AKAP13: variants seen among roughly 807,000 people sequenced by gnomAD.
AKAP13 encodes A-kinase anchor protein 13.
A neutral mutation model predicts 264.5 loss-of-function variants in AKAP13; 80 were observed. The observed-to-expected ratio is 0.30, with a 90% CI of 0.25 to 0.36. The LOEUF is 0.36. AKAP13 is among the 10% of genes least tolerant of loss of function. AKAP13 has a pLI of 1.00. For synonymous variants in AKAP13, 1,380 were observed against 1,250.2 expected, an observed-to-expected ratio of 1.10 and a Z score of -2.19; for missense variants, 3,712 against 3,435.2, an observed-to-expected ratio of 1.08 and a Z score of -2.01.
intron 19 of AKAP13, among the ~76,000 whole-genome samples, chr15:85,713,323 C>G (rs980464373): frequency 1.3e-5 from 2 of 152,174 alleles, no homozygotes; most frequent in Non-Finnish European, 1.5e-5. Flanking sequence ...CTGTGTCTCC[C>G]TTTTACATTA....
intron 2 of AKAP13, among the ~76,000 whole-genome samples, chr15:85,503,359 C>T (rs754169413): frequency 2.6e-5 from 4 of 152,210 alleles, no homozygotes; most frequent in African/African-American, 4.8e-5. Flanking sequence ...TTCTAAGTCA[C>T]GTGATTTCAA....
chr15:85,606,047 A>G (rs908108958), intron 8 of AKAP13, among the ~76,000 whole-genome samples: 5 of 147,672 alleles, frequency 3.4e-5, no homozygotes, highest in African/African-American at 7.5e-5. Flanking sequence ...ATTTTTAAAT[A>G]AAGGAGCTTC....
chr15:85,393,059 T>C (rs1460273587), intron 1 of AKAP13, among the ~76,000 whole-genome samples: 1 of 152,234 alleles, frequency 6.6e-6, no homozygotes, highest in East Asian at 1.9e-4. Flanking sequence ...AATTAATCTA[T>C]CATCCTTGTC....
At position 85,428,724 on chromosome 15, in the gene AKAP13, TC is replaced by T. The variant is rs2072904031; in HGVS notation, c.-12+47927del. ...TTTGGCTTTCTGGTGATCTTGCATA[TC>T]AGAGATGGTAGCTGTCGGTAGTGCT... On this transcript the variant is annotated intron_variant, in intron 1 of 36. Transcript: ENST00000394518. 3.3e-5 allele frequency among the ~76,000 whole-genome samples: 5 copies of T among 152,330 alleles called. No individual in the cohort carries two copies. In the South Asian group the frequency reaches 1.0e-3, roughly 32 times the overall value.
intron 8 of AKAP13, among the ~76,000 whole-genome samples, chr15:85,605,942 A>T (rs1438582509): frequency 1.3e-5 from 2 of 152,156 alleles, no homozygotes; most frequent in Non-Finnish European, 2.9e-5. Flanking sequence ...TCATGTATTT[A>T]TAAGGTCTAA....
chr15:85,539,884 A>G (rs147508030), intron 4 of AKAP13, among the ~76,000 whole-genome samples: 9 of 152,262 alleles, frequency 5.9e-5, no homozygotes, highest in Non-Finnish European at 1.3e-4. Context: ...CAGATGGAAG[A>G]TTTTCTGAGT....
chr15:85,619,685 T>C (rs1164438470), intron 8 of AKAP13: 5 of 991,138 alleles, frequency 5.0e-6, no homozygotes, highest in Non-Finnish European at 6.0e-6. Flanking sequence ...TGGGTTTTTT[T>C]CCCTACGTGT....
At chr15:85,565,172 T>C (rs777135596) in intron 5 of AKAP13, among the ~76,000 whole-genome samples, 3 of 152,198 alleles carry the variant, frequency 2.0e-5, no homozygotes, top group Non-Finnish European at 4.4e-5. Context: ...ATGCCTGTAC[T>C]GCATCATTGC....
intron 1 of AKAP13, among the ~76,000 whole-genome samples, chr15:85,434,539 C>G (rs2073181054): frequency 1.3e-5 from 2 of 152,036 alleles, no homozygotes; most frequent in Non-Finnish European, 2.9e-5. Context: ...AACAAAAAGA[C>G]AGCAGTAACC....
intron 2 of AKAP13, among the ~76,000 whole-genome samples, chr15:85,489,537 T>G (rs28532619): frequency 0.02 from 3,062 of 152,208 alleles, 101 homozygotes; most frequent in African/African-American, 0.07. Flanking sequence ...GTGGGGGAAG[T>G]TCTCTGCACC....
At chr15:85,522,536 T>C (rs373700883) in intron 3 of AKAP13, among the ~76,000 whole-genome samples, 2 of 152,256 alleles carry the variant, frequency 1.3e-5, no homozygotes, top group East Asian at 3.9e-4. Flanking sequence ...AGGCAATTAC[T>C]TTCTCAGAGT....
intron 8 of AKAP13, among the ~76,000 whole-genome samples, chr15:85,587,181 C>G (rs2079396427): frequency 6.6e-6 from 1 of 152,178 alleles, no homozygotes. Context: ...TTCCCTCCCC[C>G]AGCTCATTAA....
intron 2 of AKAP13, among the ~76,000 whole-genome samples, chr15:85,508,591 T>A: frequency 6.6e-6 from 1 of 152,174 alleles, no homozygotes; most frequent in East Asian, 1.9e-4. Flanking sequence ...CTTTCTGTAG[T>A]TTCCTTGCTC....
chr15:85,494,222 C>G (rs1396012571), intron 2 of AKAP13, among the ~76,000 whole-genome samples: 1 of 152,130 alleles, frequency 6.6e-6, no homozygotes, highest in Non-Finnish European at 1.5e-5. Flanking sequence ...ACTCTAAGCC[C>G]TACTGGATCT....
intron 1 of AKAP13, among the ~76,000 whole-genome samples, chr15:85,446,669 T>G (rs1225167453): frequency 6.6e-6 from 1 of 152,028 alleles, no homozygotes; most frequent in Non-Finnish European, 1.5e-5. Context: ...AAACATGCCT[T>G]TTCGTCTTCC....
rs542929768 is a variant in AKAP13, at chr15:85,671,857, G to A, written c.5101+2027G>A. ...ACATAGTGGATATTGTACTTCTACA[G>A]CAACAGATAACTAGTACCAACAGAA... On this transcript the variant is annotated intron_variant, in intron 14 of 36. Coordinates refer to ENST00000394518, the MANE Select transcript of AKAP13 (RefSeq NM_007200.5). Among the ~76,000 whole-genome samples the A allele has an allele frequency of 3.9e-5, 6 of 152,260 alleles. No homozygotes were observed. The East Asian group carries it at 1.2e-3, about 29-fold the overall frequency.
chr15:85,673,422 G>C (rs1353528623), intron 14 of AKAP13, among the ~76,000 whole-genome samples: 1 of 152,022 alleles, frequency 6.6e-6, no homozygotes, highest in Non-Finnish European at 1.5e-5. Flanking sequence ...TTTTTAGGGG[G>C]TCGCAGTAGC....
chr15:85,728,069 GGTTAACGT>G (rs1284257319), intron 29 of AKAP13, among the ~76,000 whole-genome samples: 12 of 152,162 alleles, frequency 7.9e-5, no homozygotes, highest in African/African-American at 2.9e-4. Flanking sequence ...AGCTACCCAG[GGTTAACGT>G]GTGTAGTTAG....
chr15:85,731,819 T>C lies in AKAP13; in HGVS notation c.7282+1112T>C, dbSNP rs142097399. On this transcript the variant is annotated intron_variant, in intron 30 of 36. Coordinates refer to ENST00000394518, the MANE Select transcript of AKAP13 (RefSeq NM_007200.5). Reference sequence around the variant, plus strand: ...TGATGGGGCCAGGCACGGTGGCTCATTTCTATAATCCCAGCATTTTGGGAG... The same window carrying C: ...TGATGGGGCCAGGCACGGTGGCTCACTTCTATAATCCCAGCATTTTGGGAG... Among the ~76,000 whole-genome samples, 622 of 152,240 alleles carry C rather than the reference T, an allele frequency of 4.1e-3. 2 individuals are homozygous for C. Among genetic ancestry groups the C allele is most frequent in the Non-Finnish European group, 6.4e-3 (432 of 68,020 alleles).
Sources: gnomAD v4.1 joint callset for allele counts (sites outside exome capture counted in the v4.1 genomes callset) on GRCh38, gnomAD v4.1.1 for gene constraint, MANE v1.5 for transcripts, NCBI Gene and HGNC (gene_info 2026-07-23, HGNC 2026-07-21) for gene names.